The following ARMH3 variants were observed in gnomAD, a reference collection of about 807,000 sequenced individuals.
The protein encoded by ARMH3 is armadillo like helical domain containing 3.
A neutral mutation model predicts 99.1 loss-of-function variants in ARMH3; 60 were observed. That is an observed-to-expected ratio of 0.61 (90% confidence interval 0.49 to 0.75). ARMH3 has a LOEUF of 0.75. Among genes scored for constraint, ARMH3 ranks in the 30% least tolerant of loss-of-function variants. The probability of loss-of-function intolerance (pLI) is 0.00; values close to 1 mark genes in which losing one functional copy is unlikely to be tolerated. For synonymous variants in ARMH3, 285 were observed against 292.8 expected (o/e 0.97, Z 0.27); for missense variants, 679 against 843.1 (o/e 0.81, Z 2.41).
chr10:101,899,005 C>T (rs925026124), intron 23 of ARMH3, among the ~76,000 whole-genome samples: 3 of 152,190 alleles, frequency 2.0e-5, no homozygotes, highest in Admixed American at 1.3e-4. Context: ...ATTGCTTCCC[C>T]GAACAACATG....
intron 8 of ARMH3, among the ~76,000 whole-genome samples, chr10:102,020,101 A>G (rs967764185): frequency 5.9e-5 from 9 of 152,098 alleles, no homozygotes; most frequent in Non-Finnish European, 1.3e-4. Flanking sequence ...GTTTCAAGCT[A>G]AATGTTATTA....
In ARMH3 at chr10:101,897,886, G is replaced by C. The variant is rs189291100; in HGVS notation, c.1782-8396C>G. Among the ~76,000 whole-genome samples, 161 of 152,264 alleles carry C rather than the reference G, an allele frequency of 1.1e-3. 1 individual carries two copies. The highest frequency in any genetic ancestry group is 3.6e-3 in the African/African-American group (148 of 41,532). On this transcript the variant is annotated intron_variant, in intron 23 of 25. Transcript: ENST00000370033. ...TGAAGCAAAATGAAGTGGATAGATG[G>C]AACAGTAAGGATGAACAGTAAACCG...
At chr10:101,903,630 GGAAGGAGACTGATACC>G (rs1344548142) in intron 23 of ARMH3, among the ~76,000 whole-genome samples, 1 of 152,126 alleles carries the variant, frequency 6.6e-6, no homozygotes, top group Non-Finnish European at 1.5e-5. Context: ...TTTCTTACAG[GGAAGGAGACTGATACC>G]GAACTTTTAC....
intron 24 of ARMH3, among the ~76,000 whole-genome samples, 196 bp from the exon 25 acceptor site, chr10:101,850,088 CTCTTT>C (rs1554846410): frequency 7.2e-6 from 1 of 137,938 alleles, no homozygotes; most frequent in African/African-American, 2.6e-5. Context: ...TTCTCTCTCT[CTCTTT>C]TTTTTTTTTT....
intron 22 of ARMH3, among the ~76,000 whole-genome samples, chr10:101,951,124 AAAC>A (rs1318886153): frequency 6.6e-6 from 1 of 152,250 alleles, no homozygotes; most frequent in African/African-American, 2.4e-5. Flanking sequence ...CATGTTGTAA[AAAC>A]AACAAAACAT....
chr10:102,010,472 G>A (rs1243742014), intron 11 of ARMH3, among the ~76,000 whole-genome samples: 2 of 152,104 alleles, frequency 1.3e-5, no homozygotes, highest in African/African-American at 4.8e-5. Flanking sequence ...AGCTATCTTT[G>A]GGAACAATAT....
chr10:102,028,639 A>G (rs188901701), intron 5 of ARMH3, among the ~76,000 whole-genome samples: 7 of 152,344 alleles, frequency 4.6e-5, no homozygotes, highest in African/African-American at 1.7e-4. Context: ...TGCCAGACTC[A>G]AAAGGCTACA....
chr10:101,849,144 C>T (rs972390482), intron 25 of ARMH3, among the ~76,000 whole-genome samples: 1 of 152,198 alleles, frequency 6.6e-6, no homozygotes, highest in African/African-American at 2.4e-5. Flanking sequence ...AGTCCCCAGC[C>T]AGGATGTTTG....
intron 22 of ARMH3, among the ~76,000 whole-genome samples, chr10:101,947,715 G>A (rs1415000084): frequency 1.3e-5 from 2 of 151,838 alleles, no homozygotes; most frequent in Non-Finnish European, 2.9e-5. Flanking sequence ...CAGGAGAATC[G>A]CTTGAACCGG....
At chr10:102,002,126 T>C in intron 14 of ARMH3, 54 bp from the exon 15 acceptor site, 1 of 1,597,166 alleles carries the variant, frequency 6.3e-7, no homozygotes, top group Non-Finnish European at 8.5e-7. Flanking sequence ...CATCTAACAC[T>C]TCTACCCACA....
At chr10:102,021,258 A>G (rs964906847) in intron 8 of ARMH3, among the ~76,000 whole-genome samples, 14 of 151,366 alleles carry the variant, frequency 9.2e-5, no homozygotes, top group Admixed American at 2.0e-4. Flanking sequence ...TGTATTTTTA[A>G]AAATATAGAT....
chr10:101,937,083 T>C (rs1844013768), intron 23 of ARMH3, among the ~76,000 whole-genome samples: 1 of 152,220 alleles, frequency 6.6e-6, no homozygotes, highest in South Asian at 2.1e-4. Flanking sequence ...AATAAGTTTT[T>C]CCAACTCAAA....
chr10:101,921,935 T>A (rs1843323468), intron 23 of ARMH3, among the ~76,000 whole-genome samples: 1 of 152,144 alleles, frequency 6.6e-6, no homozygotes, highest in African/African-American at 2.4e-5. Flanking sequence ...GTAGGGTGAC[T>A]ACAGTTACCA....
chr10:101,947,407 G>A (rs1844582718), intron 22 of ARMH3, among the ~76,000 whole-genome samples: 1 of 151,944 alleles, frequency 6.6e-6, no homozygotes, highest in Admixed American at 6.6e-5. Context: ...GGTTGAGGCA[G>A]GAGGATCACT....
intron 14 of ARMH3, among the ~76,000 whole-genome samples, chr10:102,003,538 T>C (rs935091452): frequency 2.0e-5 from 3 of 152,214 alleles, no homozygotes; most frequent in Non-Finnish European, 2.9e-5. Flanking sequence ...TAAGTGCTTT[T>C]ACACTGCCTA....
chr10:101,990,711 T>C, intron 18 of ARMH3, 100 bp from the exon 19 acceptor site: 1 of 854,810 alleles, frequency 1.2e-6, no homozygotes, highest in African/African-American at 1.7e-5. Context: ...GCACTCACAC[T>C]GAACGGCATC....
chr10:101,959,491 T>A (rs751847191), intron 20 of ARMH3, among the ~76,000 whole-genome samples: 3 of 152,104 alleles, frequency 2.0e-5, no homozygotes, highest in African/African-American at 4.8e-5. Context: ...ACACATCCCA[T>A]CAACAAGGGC....
chr10:101,989,517 T>TA (rs1046040345), intron 19 of ARMH3, among the ~76,000 whole-genome samples: 6 of 152,020 alleles, frequency 3.9e-5, no homozygotes, highest in Admixed American at 3.3e-4. Flanking sequence ...AGTCAGGAGT[T>TA]AGAGACCAGC....
chr10:101,873,840 T>C (rs998871306), intron 24 of ARMH3, among the ~76,000 whole-genome samples: 2 of 152,212 alleles, frequency 1.3e-5, no homozygotes, highest in African/African-American at 2.4e-5. Context: ...GGCTGAATAA[T>C]ATTCCATGGT....
Sources: gnomAD v4.1 joint callset for allele counts (sites outside exome capture counted in the v4.1 genomes callset) on GRCh38, gnomAD v4.1.1 for gene constraint, MANE v1.5 for transcripts, NCBI Gene and HGNC (gene_info 2026-07-23, HGNC 2026-07-21) for gene names.